JMY: variants seen among roughly 807,000 people sequenced by gnomAD.
The protein encoded by JMY is junction-mediating and -regulatory protein.
In JMY, 46 loss-of-function variants were observed where a neutral mutation model predicts 103.3. The observed-to-expected ratio is 0.45, with a 90% confidence interval of 0.35 to 0.57. The LOEUF (loss-of-function observed/expected upper bound fraction) is 0.57. Among genes scored for constraint, JMY ranks in the 20% least tolerant of loss-of-function variants. The pLI, the probability that JMY is intolerant of heterozygous loss-of-function variation, is 0.00. For missense variants in JMY, 1,238 were observed against 1,255.2 expected (o/e 0.99, Z 0.21); for synonymous variants, 526 against 489.3 (o/e 1.07, Z -0.99).
Position 79,316,284 on chromosome 5 carries a change from C to G in JMY, c.2944C>G (p.Pro982Ala). Residue 982 changes from proline (P) to alanine (A), a missense_variant, in exon 10 of 11, where the codon CCT becomes GCT. Physicochemically the swap from Pro to Ala is conservative, Grantham distance 27. Transcript: ENST00000396137. ...GTCAGAGGACGAAGAGGAGGCTTTA[C>G]CTTGCACAGACTGGGAGAACTAACA... ...PESEDEEEALPCTDWEN is the reference protein window; with the variant it reads ...PESEDEEEALACTDWEN 1 of 1,611,666 alleles carries G rather than the reference C, an allele frequency of 6.2e-7. No individual in the cohort carries two copies. Among genetic ancestry groups the G allele is most frequent in the Non-Finnish European group, 8.5e-7 (1 of 1,178,786 alleles).
rs1276203254 is a variant in JMY, at chr5:79,326,319, A to G, written c.*4717A>G. 7.0e-6 allele frequency: 1 copy of G among 142,666 alleles called. No individual in the cohort carries two copies. The highest frequency in any genetic ancestry group is 1.5e-5 in the Non-Finnish European group (1 of 66,280). The allele number at this position is 142,666 out of a possible 1,614,324, so 8.8% of individuals were successfully genotyped here. On this transcript the variant is annotated 3_prime_UTR_variant, in exon 11 of 11. Coordinates refer to ENST00000396137, the MANE Select transcript of JMY (RefSeq NM_152405.5). The stretch of plus-strand genomic sequence containing the variant: ...GGTATGGATGTTGGTTACAGAGTTC[A>G]GTTTTAACAAGGGAAATTTGGGGAT...
rs567402072 is a variant in JMY, at chr5:79,313,001, T to C, written c.2064+503T>C. ...TCCACACATCTCCTCAGAACTGTGC[T>C]GAAGCCTCACAGTTCTCATTTTTAA... On this transcript the variant is annotated intron_variant, in intron 8 of 10. Coordinates refer to ENST00000396137, the MANE Select transcript of JMY (RefSeq NM_152405.5). Among the ~76,000 whole-genome samples the C allele has an allele frequency of 2.0e-5, 3 of 152,288 alleles. No individual in the cohort carries two copies. The South Asian group carries it at 6.2e-4, about 32-fold the overall frequency.
intron 1 of JMY, among the ~76,000 whole-genome samples, chr5:79,264,569 A>ACTC (rs1561295132): frequency 6.6e-6 from 1 of 152,096 alleles, no homozygotes; most frequent in Non-Finnish European, 1.5e-5. Flanking sequence ...AAAGCAAATA[A>ACTC]TATTTCATCA....
intron 6 of JMY, among the ~76,000 whole-genome samples, chr5:79,302,102 A>AAAC (rs1554052050): frequency 1.1e-4 from 16 of 150,636 alleles, no homozygotes; most frequent in African/African-American, 3.4e-4. Flanking sequence ...AAAAAAAAAA[A>AAAC]CATTGCAGTG....
At chr5:79,282,181 T>C (rs768754394) in intron 2 of JMY, among the ~76,000 whole-genome samples, 11 of 152,020 alleles carry the variant, frequency 7.2e-5, no homozygotes, top group Non-Finnish European at 1.6e-4. Context: ...CATTCCAACC[T>C]GGGTGACAGA....
rs368911754 is a variant in JMY at position 79,323,663 on chromosome 5, G to A, written c.*2061G>A. 25 of 152,136 alleles carry A rather than the reference G, an allele frequency of 1.6e-4. 1 individual carries two copies. Among genetic ancestry groups the A allele is most frequent in the Admixed American group, 5.9e-4 (9 of 15,276 alleles). The allele number at this position is 152,136 out of a possible 1,614,324, so 9.4% of individuals were successfully genotyped here. A position where few individuals can be genotyped will look rare whatever the true frequency, so the allele number is the denominator to read the frequency against. On this transcript the variant is annotated 3_prime_UTR_variant, in exon 11 of 11. Coordinates refer to ENST00000396137, the MANE Select transcript of JMY (RefSeq NM_152405.5). Reference sequence around the variant, plus strand: ...TATTCAAATTCAGAAAAATACGGACGGATCTAATGTTAAATTAACCAGAAA... The same window carrying A: ...TATTCAAATTCAGAAAAATACGGACAGATCTAATGTTAAATTAACCAGAAA...
chr5:79,261,144 G>A lies in JMY; in HGVS notation c.1033-16766G>A, dbSNP rs764395411. On this transcript the variant is annotated intron_variant, in intron 1 of 10. Coordinates refer to ENST00000396137, the MANE Select transcript of JMY (RefSeq NM_152405.5). ...GTCCCTTTTGGTTCCTAAATAAGAT[G>A]GCTACAAGATGAAAAGCTACATGCT... is the stretch of plus-strand genomic sequence containing the variant. Among the ~76,000 whole-genome samples, 48 of 152,180 alleles carry A rather than the reference G, an allele frequency of 3.2e-4. No homozygotes were observed. In the Middle Eastern group the frequency reaches 0.017, roughly 54 times the overall value.
chr5:79,275,816 TA>T (rs1408780066), intron 1 of JMY, among the ~76,000 whole-genome samples: 2 of 152,240 alleles, frequency 1.3e-5, no homozygotes. Flanking sequence ...AAAAGCACTT[TA>T]ATGTAGATTG....
chr5:79,291,400 T>G (rs1746421667), intron 4 of JMY, 101 bp downstream of exon 4: 1 of 991,574 alleles, frequency 1.0e-6, no homozygotes, highest in African/African-American at 1.6e-5. Context: ...AGTGATTTTA[T>G]GCCATCTTCA....
Position 79,323,038 on chromosome 5 carries a change from T to C in JMY, c.*1436T>C, listed in dbSNP as rs955368006. The C allele has an allele frequency of 1.3e-5, 2 of 152,200 alleles. No homozygotes were observed. Among genetic ancestry groups the C allele is most frequent in the African/African-American group, 4.8e-5 (2 of 41,432 alleles). The allele number at this position is 152,200 out of a possible 1,614,324, so 9.4% of individuals were successfully genotyped here. Reference sequence around the variant, plus strand: ...TTGAAAATAATTAGGGAGAAAATTTTCTGGCAACAGGTTATGTAAGACAAC... The same window carrying C: ...TTGAAAATAATTAGGGAGAAAATTTCCTGGCAACAGGTTATGTAAGACAAC... On this transcript the variant is annotated 3_prime_UTR_variant, in exon 11 of 11. Transcript: ENST00000396137.
At chr5:79,309,288 A>G (rs1746975046) in intron 7 of JMY, among the ~76,000 whole-genome samples, 1 of 152,170 alleles carries the variant, frequency 6.6e-6, no homozygotes, top group African/African-American at 2.4e-5. Flanking sequence ...GTTTTGGGAT[A>G]GATGTTCTTT....
intron 1 of JMY, among the ~76,000 whole-genome samples, chr5:79,259,811 C>T (rs1745363667): frequency 6.6e-6 from 1 of 152,240 alleles, no homozygotes; most frequent in South Asian, 2.1e-4. Context: ...TCCGAGCCTG[C>T]AGGGGCAAGG....
Position 79,316,306 on chromosome 5 carries a change from A to G in JMY, c.2966A>G (p.Ter989=). Residue 989 remains the stop codon, a stop_retained_variant, in exon 10 of 11, where the codon TAA becomes TGA. Transcript: ENST00000396137. The stretch of plus-strand genomic sequence containing the variant: ...TTACCTTGCACAGACTGGGAGAACT[A>G]ACAAGTAAACGGCCTTATTGTCTTT... ...EALPCTDWEN[*] 1 of 1,603,238 alleles carries G rather than the reference A, an allele frequency of 6.2e-7. No individual in the cohort carries two copies. Among genetic ancestry groups the G allele is most frequent in the Non-Finnish European group, 8.5e-7 (1 of 1,174,272 alleles).
intron 1 of JMY, among the ~76,000 whole-genome samples, chr5:79,272,280 A>T (rs770303700): frequency 6.6e-6 from 1 of 152,170 alleles, no homozygotes; most frequent in Non-Finnish European, 1.5e-5. Flanking sequence ...TCTAGGCAAC[A>T]TATAATTGTG....
At chr5:79,256,197 C>A (rs1281088731) in intron 1 of JMY, among the ~76,000 whole-genome samples, 1 of 152,208 alleles carries the variant, frequency 6.6e-6, no homozygotes, top group Admixed American at 6.5e-5. Flanking sequence ...GGAACCTCAT[C>A]CCAGAGGAAC....
At chr5:79,278,658 C>T (rs1746019774) in intron 2 of JMY, among the ~76,000 whole-genome samples, 1 of 148,808 alleles carries the variant, frequency 6.7e-6, no homozygotes, top group African/African-American at 2.5e-5. Context: ...GTCTCAGCTA[C>T]TTAGGAGGCT....
chr5:79,282,214 A>T (rs1746138554), intron 2 of JMY, among the ~76,000 whole-genome samples: 1 of 149,852 alleles, frequency 6.7e-6, no homozygotes, highest in African/African-American at 2.5e-5. Flanking sequence ...CTCAAAAAAT[A>T]AAAAAAAAAT....
chr5:79,309,713 CTA>C (rs145717899), intron 7 of JMY, among the ~76,000 whole-genome samples: 4,986 of 152,250 alleles, frequency 0.033, 89 homozygotes, highest in South Asian at 0.061. Context: ...TACCCATAAA[CTA>C]TAAGATTACC....
chr5:79,259,369 C>T (rs896875798), intron 1 of JMY, among the ~76,000 whole-genome samples: 6 of 152,130 alleles, frequency 3.9e-5, no homozygotes, highest in East Asian at 1.9e-4. Flanking sequence ...CGAAATGGTC[C>T]GTGGGCAAAC....
Sources: allele counts gnomAD v4.1 joint callset (sites outside exome capture counted in the v4.1 genomes callset), GRCh38; gene constraint gnomAD v4.1.1; transcripts MANE v1.5; gene names NCBI Gene and HGNC (gene_info 2026-07-23, HGNC 2026-07-21).